MYSM1: variants seen among roughly 807,000 people sequenced by gnomAD.
MYSM1 encodes the protein deubiquitinase MYSM1.
Under a neutral mutation model 116.0 loss-of-function variants are expected in MYSM1, and 51 were observed. The observed-to-expected ratio is 0.44, with a 90% CI of 0.35 to 0.56. MYSM1 has a LOEUF of 0.56. Among genes scored for constraint, MYSM1 ranks in the 20% least tolerant of loss-of-function variants. The pLI, the probability that MYSM1 is intolerant of heterozygous loss-of-function variation, is 0.00. For synonymous variants in MYSM1, 313 were observed against 315.2 expected (o/e 0.99, Z 0.07); for missense variants, 900 against 974.9 (o/e 0.92, Z 1.02).
At chr1:58,664,588 G>A (rs1162320487) in intron 17 of MYSM1, among the ~76,000 whole-genome samples, 1 of 152,178 alleles carries the variant, frequency 6.6e-6, no homozygotes, top group East Asian at 1.9e-4. Context: ...AAATAACATG[G>A]GGGCAGTGCT....
At position 58,661,440 on chromosome 1, in the gene MYSM1, T is replaced by C; in HGVS notation, c.2236A>G (p.Arg746Gly). 6.2e-7 allele frequency: 1 copy of C among 1,605,212 alleles called. No individual in the cohort carries two copies. Among genetic ancestry groups the C allele is most frequent in the Non-Finnish European group, 8.5e-7 (1 of 1,172,218 alleles). ...AGCCTGTATTTTTCTATTATCCATC[T>C]TGTCTTTTCAAATACTAATCCCCAC... ...PQWGLVFEKTRWIIEKYRLSH... is the reference protein window; with the variant it reads ...PQWGLVFEKTGWIIEKYRLSH... The change falls in exon 18 of 20, where the codon AGA (arginine) becomes GGA (glycine). Residue 746 changes from arginine (R) to glycine (G), a missense_variant. Transcript: ENST00000472487.
chr1:58,658,521 A>G lies in MYSM1; in HGVS notation c.*1476T>C, dbSNP rs1035069684. The G allele has an allele frequency of 4.6e-5, 7 of 152,144 alleles. No homozygotes were observed. The highest frequency in any genetic ancestry group is 1.0e-4 in the Non-Finnish European group (7 of 68,010). 9.4% of individuals were successfully genotyped at this position (152,144 alleles called of 1,614,324 possible). ...AGTAAACTGTATCTCCCCAAATCAC[A>G]AAGTTGAGACAAGAACCAGGTCACC... On this transcript the variant is annotated 3_prime_UTR_variant, in exon 20 of 20. Coordinates refer to ENST00000472487, the MANE Select transcript of MYSM1 (RefSeq NM_001085487.3).
chr1:58,665,049 G>C (rs923163236), intron 17 of MYSM1, among the ~76,000 whole-genome samples: 2 of 152,128 alleles, frequency 1.3e-5, no homozygotes, highest in African/African-American at 4.8e-5. Context: ...GATAGAATGG[G>C]AACAAAGAGA....
rs1644355931 is a variant in MYSM1, at chr1:58,659,063, A to G, written c.*934T>C. Reference sequence around the variant, plus strand: ...AAAATTATTTACAAACTGGCCCTTTACATTAAAAAAGTTCACTGACCTCCA... The same window carrying G: ...AAAATTATTTACAAACTGGCCCTTTGCATTAAAAAAGTTCACTGACCTCCA... On this transcript the variant is annotated 3_prime_UTR_variant, in exon 20 of 20. Transcript: ENST00000472487. 1.3e-5 allele frequency: 2 copies of G among 151,998 alleles called. No homozygotes were observed. Among genetic ancestry groups the G allele is most frequent in the South Asian group, 4.1e-4 (2 of 4,832 alleles). The allele number at this position is 151,998 out of a possible 1,614,324, so 9.4% of individuals were successfully genotyped here. A position where few individuals can be genotyped will look rare whatever the true frequency, so the allele number is the denominator to read the frequency against.
At chr1:58,662,995 T>C (rs1315559249) in intron 17 of MYSM1, among the ~76,000 whole-genome samples, 1 of 152,178 alleles carries the variant, frequency 6.6e-6, no homozygotes, top group Admixed American at 6.6e-5. Flanking sequence ...CTAAACACTT[T>C]ACATATATTA....
intron 3 of MYSM1, among the ~76,000 whole-genome samples, chr1:58,691,652 G>A (rs1324262011): frequency 1.3e-5 from 2 of 152,080 alleles, no homozygotes; most frequent in African/African-American, 4.8e-5. Context: ...TAGATCCCGA[G>A]GTCAGGAGTT....
chr1:58,691,954 A>G (rs1000813196), intron 3 of MYSM1, among the ~76,000 whole-genome samples: 2 of 152,238 alleles, frequency 1.3e-5, no homozygotes, highest in African/African-American at 4.8e-5. Context: ...ATCTTGATTA[A>G]ATGTTAAAAT....
intron 6 of MYSM1, among the ~76,000 whole-genome samples, chr1:58,687,507 C>T (rs2746077): frequency 0.9 from 136,227 of 152,060 alleles, 61,036 homozygotes; most frequent in East Asian, 0.93. Flanking sequence ...CAGATGTAAG[C>T]ATATATGTTA....
intron 1 of MYSM1, among the ~76,000 whole-genome samples, chr1:58,698,108 T>A (rs1356098626): frequency 8.9e-4 from 13 of 14,546 alleles, no homozygotes; most frequent in Non-Finnish European, 1.3e-3. Context: ...ATATATTTTT[T>A]TTTTTTTTTT....
At position 58,675,595 on chromosome 1, in the gene MYSM1, G is replaced by A; in HGVS notation, c.1391-15C>T. On this transcript the variant is annotated splice_polypyrimidine_tract_variant and intron_variant, in intron 9 of 19. Coordinates refer to ENST00000472487, the MANE Select transcript of MYSM1 (RefSeq NM_001085487.3). ...CACAGCCTGTTCTATTGGAATTCAGGAAAGATAAAACCATCTATTATTTTG... is the reference window on the plus strand; with the variant it reads ...CACAGCCTGTTCTATTGGAATTCAGAAAAGATAAAACCATCTATTATTTTG... 1 of 1,597,366 alleles carries A rather than the reference G, an allele frequency of 6.3e-7. No homozygotes were observed. The highest frequency in any genetic ancestry group is 8.6e-7 in the Non-Finnish European group (1 of 1,166,768).
At position 58,682,356 on chromosome 1, in the gene MYSM1, C is replaced by A; in HGVS notation, c.688G>T (p.Asp230Tyr). The A allele has an allele frequency of 1.2e-6, 2 of 1,614,092 alleles. No homozygotes were observed. The highest frequency in any genetic ancestry group is 1.7e-6 in the Non-Finnish European group (2 of 1,180,002). ...DEEVDITDEV[D>Y]ELSSQTPQKN... ...TGGGGTGTTTGAGAAGACAACTCGT[C>A]CACCTCATCTGTGATGTCTACTTCT... The change falls in exon 8 of 20, where the codon GAC becomes TAC. Residue 230 changes from aspartate (D) to tyrosine (Y), a missense_variant. Around this residue, in one of 3 missense-constraint regions of MYSM1, gnomAD observed 622 missense variants for 623.7 expected, o/e 1.00. Coordinates refer to ENST00000472487, the MANE Select transcript of MYSM1 (RefSeq NM_001085487.3).
At position 58,665,492 on chromosome 1, in the gene MYSM1, A is replaced by T. The variant is rs751937830; in HGVS notation, c.2164+7T>A. 34 of 1,576,502 alleles carry T rather than the reference A, an allele frequency of 2.2e-5. No individual in the cohort carries two copies. Among genetic ancestry groups the T allele is most frequent in the Non-Finnish European group, 2.7e-5 (31 of 1,163,002 alleles). ...AGAGGATAAAGTTATTTTTGTTGAA[A>T]ACTTACGATAAGAGCCATCTGGGCT... On this transcript the variant is annotated splice_region_variant and intron_variant, in intron 17 of 19. Coordinates refer to ENST00000472487, the MANE Select transcript of MYSM1 (RefSeq NM_001085487.3).
intron 8 of MYSM1, among the ~76,000 whole-genome samples, chr1:58,680,322 C>T (rs989410504): frequency 6.6e-6 from 1 of 152,180 alleles, no homozygotes; most frequent in Non-Finnish European, 1.5e-5. Flanking sequence ...ATCTCAGAAT[C>T]ATTCTTTATC....
chr1:58,679,168 CTCT>C (rs933019089), intron 8 of MYSM1, among the ~76,000 whole-genome samples: 2 of 151,974 alleles, frequency 1.3e-5, no homozygotes, highest in African/African-American at 4.8e-5. Context: ...AAAACTTTAA[CTCT>C]TCTATTTTTT....
In MYSM1 at chr1:58,673,672, G is replaced by A. The variant is rs755623035; in HGVS notation, c.1495-22C>T. The A allele has an allele frequency of 3.8e-6, 6 of 1,590,576 alleles. No homozygotes were observed. The South Asian group carries it at 6.7e-5, about 18-fold the overall frequency. On this transcript the variant is annotated intron_variant, in intron 10 of 19. Transcript: ENST00000472487. ...TACGCTGCGATGAGATTAAAGTAAA[G>A]CAAAAGGTAGCAAGATTAATATGGA...
At chr1:58,698,084 C>CCA (rs1553139974) in intron 1 of MYSM1, among the ~76,000 whole-genome samples, 2 of 31,406 alleles carry the variant, frequency 6.4e-5, no homozygotes, top group African/African-American at 2.5e-4. Flanking sequence ...ATTTATCAGA[C>CCA]TATATATATA....
At chr1:58,688,377 AC>A (rs1162395662) in intron 6 of MYSM1, among the ~76,000 whole-genome samples, 2 of 151,696 alleles carry the variant, frequency 1.3e-5, no homozygotes, top group Non-Finnish European at 2.9e-5. Context: ...GGTATCATGC[AC>A]CTTAAAGGAA....
In MYSM1 at chr1:58,667,060, A is replaced by G. The variant is rs762409578; in HGVS notation, c.2009T>C (p.Ile670Thr). The change falls in exon 16 of 20, where the codon ATT (isoleucine) becomes ACT (threonine). Residue 670 changes from isoleucine to threonine, a missense_variant. Ile to Thr is a moderately conservative substitution (Grantham distance 89). Coordinates refer to ENST00000472487, the MANE Select transcript of MYSM1 (RefSeq NM_001085487.3). ...AFDPNPSLRD[I>T]DTQAKYQSYF... ...TACCTGGTATTTAGCTTGTGTGTCA[A>G]TATCTCGTAAGGAAGGATTAGGATC... The G allele has an allele frequency of 9.3e-6, 15 of 1,610,954 alleles. No individual in the cohort carries two copies. Among genetic ancestry groups the G allele is most frequent in the African/African-American group, 4.0e-5 (3 of 74,820 alleles).
intron 10 of MYSM1, among the ~76,000 whole-genome samples, chr1:58,674,646 C>G (rs1644616322): frequency 1.3e-5 from 2 of 152,102 alleles, no homozygotes; most frequent in Admixed American, 6.5e-5. Flanking sequence ...GTTGGATCGG[C>G]TGCACACGGT....
Sources: allele counts gnomAD v4.1 joint callset (sites outside exome capture counted in the v4.1 genomes callset), GRCh38; gene constraint gnomAD v4.1.1; regional missense constraint gnomAD v4.1.1; transcripts MANE v1.5; gene names NCBI Gene and HGNC (gene_info 2026-07-23, HGNC 2026-07-21).